ZDHHC17: variants seen among roughly 807,000 people sequenced by gnomAD.
The protein encoded by ZDHHC17 is palmitoyltransferase ZDHHC17.
Under a neutral mutation model 90.3 loss-of-function variants are expected in ZDHHC17, and 40 were observed. The ratio of observed to expected loss-of-function variants is 0.44; its 90% CI spans 0.34 to 0.58. ZDHHC17 has a LOEUF of 0.58. Ranked by LOEUF, ZDHHC17 falls within the 20% of genes least tolerant of loss-of-function variation. The pLI is 0.01. For synonymous variants in ZDHHC17, 235 were observed against 252.4 expected (o/e 0.93, Z 0.65); for missense variants, 614 against 780.8 (o/e 0.79, Z 2.55).
intron 1 of ZDHHC17, among the ~76,000 whole-genome samples, chr12:76,792,301 A>G (rs375175804): frequency 6.6e-5 from 10 of 152,218 alleles, no homozygotes; most frequent in East Asian, 5.8e-4. Context: ...TGAACCTGGG[A>G]CAAAGACGGA....
chr12:76,826,424 G>C (rs1024427807), intron 8 of ZDHHC17, among the ~76,000 whole-genome samples: 19 of 152,082 alleles, frequency 1.2e-4, no homozygotes, highest in African/African-American at 4.3e-4. Context: ...TGGATTGTTT[G>C]CTTTTATTCT....
In ZDHHC17 at chr12:76,785,753, G is replaced by A. The variant is rs138990761; in HGVS notation, c.94-11681G>A. Among the ~76,000 whole-genome samples the A allele has an allele frequency of 8.5e-5, 13 of 152,300 alleles. No individual in the cohort carries two copies. In the East Asian group the frequency reaches 2.5e-3, roughly 29 times the overall value. On this transcript the variant is annotated intron_variant, in intron 1 of 16. Coordinates refer to ENST00000426126, the MANE Select transcript of ZDHHC17 (RefSeq NM_015336.4). ...CTTCTAAGTAGAATAGCTAACATGA[G>A]CACAAAGATACTGAGGTTTTTAAAA... is the stretch of plus-strand genomic sequence containing the variant.
At chr12:76,839,758 C>T (rs545333627) in intron 10 of ZDHHC17, among the ~76,000 whole-genome samples, 20 of 152,182 alleles carry the variant, frequency 1.3e-4, no homozygotes, top group African/African-American at 4.3e-4. Context: ...AAATTGGCAG[C>T]GTTTTTTCAT....
intron 1 of ZDHHC17, among the ~76,000 whole-genome samples, chr12:76,773,173 G>T (rs534626282): frequency 5.9e-5 from 9 of 152,206 alleles, no homozygotes; most frequent in Admixed American, 5.9e-4. Context: ...CTTAACACTT[G>T]TAAGAGTAAT....
chr12:76,783,264 C>T (rs945388500), intron 1 of ZDHHC17, among the ~76,000 whole-genome samples: 2 of 152,076 alleles, frequency 1.3e-5, no homozygotes, highest in African/African-American at 4.8e-5. Flanking sequence ...AAGAAATACC[C>T]GAGACTGGGT....
intron 2 of ZDHHC17, among the ~76,000 whole-genome samples, chr12:76,799,588 TAG>T (rs1393986444): frequency 6.6e-6 from 1 of 152,226 alleles, no homozygotes; most frequent in Non-Finnish European, 1.5e-5. Context: ...TGTTTCTGGG[TAG>T]AGTCTGTGAC....
At chr12:76,810,045 AT>A (rs1953001063) in intron 5 of ZDHHC17, among the ~76,000 whole-genome samples, 188 bp downstream of exon 5, 1 of 152,206 alleles carries the variant, frequency 6.6e-6, no homozygotes, top group Non-Finnish European at 1.5e-5. Context: ...CATGAAAATC[AT>A]GAACCAGATA....
At chr12:76,805,564 G>A in intron 3 of ZDHHC17, 125 bp downstream of exon 3, 1 of 904,432 alleles carries the variant, frequency 1.1e-6, no homozygotes, top group Non-Finnish European at 1.6e-6. Context: ...TAGATTCTGT[G>A]TACCTTGTTT....
At position 76,788,688 on chromosome 12, in the gene ZDHHC17, ATTTTTTTTTT is replaced by A. The variant is rs763269507; in HGVS notation, c.94-8729_94-8720del. Among the ~76,000 whole-genome samples the A allele has an allele frequency of 2.2e-4, 22 of 98,666 alleles. 1 individual carries two copies. Among genetic ancestry groups the A allele is most frequent in the Non-Finnish European group, 3.4e-4 (18 of 52,648 alleles). The allele number at this position is 98,666 out of a possible 152,430, so 64.7% of individuals were successfully genotyped here. ...AAAATATATTTAAGTTGGAATCGCA[ATTTTTTTTTT>A]TTTTTTTTTTTTTTTTGAGCAGAGT... is the stretch of plus-strand genomic sequence containing the variant. On this transcript the variant is annotated intron_variant, in intron 1 of 16. Coordinates refer to ENST00000426126, the MANE Select transcript of ZDHHC17 (RefSeq NM_015336.4).
intron 1 of ZDHHC17, among the ~76,000 whole-genome samples, chr12:76,779,925 A>G (rs541074871): frequency 2.0e-5 from 3 of 151,050 alleles, no homozygotes; most frequent in Non-Finnish European, 4.4e-5. Flanking sequence ...CATCTCTTCC[A>G]TTGAATTGCT....
At chr12:76,833,519 A>C (rs566352022) in intron 10 of ZDHHC17, among the ~76,000 whole-genome samples, 2 of 152,340 alleles carry the variant, frequency 1.3e-5, no homozygotes, top group Non-Finnish European at 2.9e-5. Flanking sequence ...TTGGCCGGGC[A>C]TGGTGGCTCA....
At chr12:76,764,880 C>T in intron 1 of ZDHHC17, 1 of 455,526 alleles carries the variant, frequency 2.2e-6, no homozygotes. Context: ...TGTCCTTAAG[C>T]GATTAAGAAG....
At chr12:76,767,699 C>T (rs1395309374) in intron 1 of ZDHHC17, among the ~76,000 whole-genome samples, 2 of 152,118 alleles carry the variant, frequency 1.3e-5, no homozygotes, top group Non-Finnish European at 2.9e-5. Flanking sequence ...GCGGGCGGAT[C>T]ACCTGAGGTT....
chr12:76,849,227 G>GTTTT, intron 15 of ZDHHC17, 149 bp from the exon 16 acceptor site: 1 of 433,816 alleles, frequency 2.3e-6, no homozygotes, highest in African/African-American at 2.2e-5. Flanking sequence ...TGGGGTGGGG[G>GTTTT]GAGGTGGCGG....
In ZDHHC17 at chr12:76,764,179, C is replaced by T. The variant is rs1013082333; in HGVS notation, c.-58C>T. 2.1e-6 allele frequency: 3 copies of T among 1,398,830 alleles called. No individual in the cohort carries two copies. The highest frequency in any genetic ancestry group is 1.4e-5 in the South Asian group (1 of 69,418). The allele number at this position is 1,398,830 out of a possible 1,614,324, so 86.7% of individuals were successfully genotyped here. On this transcript the variant is annotated 5_prime_UTR_variant, in exon 1 of 17. Transcript: ENST00000426126. ...CGCCTCCGGCGGGGCTCGCGCTCGC[C>T]CCGCGCTCGCCCTCCGCCTCGCCCG...
chr12:76,824,009 G>A (rs948262692), intron 8 of ZDHHC17, among the ~76,000 whole-genome samples: 3 of 152,018 alleles, frequency 2.0e-5, no homozygotes, highest in Admixed American at 1.3e-4. Context: ...AAAAAATCTT[G>A]TGTTACTTTG....
chr12:76,825,858 G>A (rs575439428), intron 8 of ZDHHC17, among the ~76,000 whole-genome samples: 1 of 152,220 alleles, frequency 6.6e-6, no homozygotes, highest in East Asian at 1.9e-4. Context: ...GTGTGACAGG[G>A]TTTCATTTTG....
At chr12:76,832,163 A>G (rs1217514637) in intron 10 of ZDHHC17, among the ~76,000 whole-genome samples, 1 of 152,240 alleles carries the variant, frequency 6.6e-6, no homozygotes, top group Non-Finnish European at 1.5e-5. Flanking sequence ...AAGGGAACAG[A>G]AAAGAACACA....
intron 10 of ZDHHC17, among the ~76,000 whole-genome samples, chr12:76,828,954 G>A (rs1953263376): frequency 6.6e-6 from 1 of 152,110 alleles, no homozygotes; most frequent in Non-Finnish European, 1.5e-5. Context: ...GGACATACAA[G>A]TGGCCAAACG....
Sources: allele counts gnomAD v4.1 joint callset (sites outside exome capture counted in the v4.1 genomes callset), GRCh38; gene constraint gnomAD v4.1.1; transcripts MANE v1.5; gene names NCBI Gene and HGNC (gene_info 2026-07-23, HGNC 2026-07-21).